Variants in ADGRL2 observed in about 807,000 individuals in gnomAD.
The protein encoded by ADGRL2 is calcium-independent alpha-latrotoxin receptor 2.
ADGRL2 carries 44 observed loss-of-function variants against 157.4 expected under a neutral mutation model. That is an observed-to-expected ratio of 0.28 (90% CI 0.22 to 0.36). The LOEUF (loss-of-function observed/expected upper bound fraction) is 0.36, where lower values mean the gene tolerates loss of function less well. Ranked by LOEUF, ADGRL2 falls within the 10% of genes least tolerant of loss-of-function variation. The pLI, the probability that ADGRL2 is intolerant of heterozygous loss-of-function variation, is 1.00. For synonymous variants in ADGRL2, 585 were observed against 624.7 expected, an observed-to-expected ratio of 0.94 and a Z score of 0.95; for missense variants, 1,510 against 1,768.9, an observed-to-expected ratio of 0.85 and a Z score of 2.63.
At chr1:81,880,536 C>T (rs2093958945) in intron 2 of ADGRL2, among the ~76,000 whole-genome samples, 2 of 151,436 alleles carry the variant, frequency 1.3e-5, no homozygotes, top group African/African-American at 4.9e-5. Flanking sequence ...GGAAAGCTCT[C>T]AGCAAAGAGA....
chr1:81,395,543 T>C lies in ADGRL2; in HGVS notation c.-301-49493T>C, dbSNP rs201458541. Among the ~76,000 whole-genome samples, 3 of 152,300 alleles carry C rather than the reference T, an allele frequency of 2.0e-5. No homozygotes were observed. In the East Asian group the frequency reaches 5.8e-4, roughly 29 times the overall value. ...TTCCTTTCTTTGCTGGGCAGTAGCATTTCAGTTTGATATATAACCCCGTTT... is the reference window on the plus strand; with the variant it reads ...TTCCTTTCTTTGCTGGGCAGTAGCACTTCAGTTTGATATATAACCCCGTTT... On this transcript the variant is annotated intron_variant, in intron 1 of 24. Transcript: ENST00000370721.
chr1:81,710,862 A>C (rs1570918303), intron 1 of ADGRL2, among the ~76,000 whole-genome samples: 1 of 151,842 alleles, frequency 6.6e-6, no homozygotes, highest in Non-Finnish European at 1.5e-5. Context: ...AGTTTATTAA[A>C]GGTTAGTTGC....
intron 1 of ADGRL2, among the ~76,000 whole-genome samples, chr1:81,811,315 T>C (rs999027424): frequency 6.6e-6 from 1 of 151,840 alleles, no homozygotes; most frequent in Non-Finnish European, 1.5e-5. Flanking sequence ...AAGTCACTTC[T>C]TATAAGCCTG....
chr1:81,639,969 A>T (rs1385702002), intron 3 of ADGRL2, among the ~76,000 whole-genome samples: 2 of 152,210 alleles, frequency 1.3e-5, no homozygotes, highest in African/African-American at 2.4e-5. Context: ...TGACATGGTT[A>T]AAATGAGTAG....
chr1:81,594,104 C>G (rs1353652822), intron 3 of ADGRL2, among the ~76,000 whole-genome samples: 1 of 152,150 alleles, frequency 6.6e-6, no homozygotes. Flanking sequence ...ACTTTTGAAT[C>G]TATAATAATG....
chr1:81,602,897 C>CA (rs35152437), intron 3 of ADGRL2, among the ~76,000 whole-genome samples: 16,498 of 120,252 alleles, frequency 0.14, 1,377 homozygotes, highest in Non-Finnish European at 0.19. Context: ...GACTCTGTCT[C>CA]AAAAAAAAAA....
intron 2 of ADGRL2, among the ~76,000 whole-genome samples, chr1:81,895,526 G>A (rs1389408361): frequency 6.7e-6 from 1 of 150,334 alleles, no homozygotes; most frequent in Non-Finnish European, 1.5e-5. Flanking sequence ...AGCCTCCTGA[G>A]TAACTGGGAT....
intron 2 of ADGRL2, among the ~76,000 whole-genome samples, chr1:81,856,836 C>G (rs1344033025): frequency 6.6e-6 from 1 of 151,782 alleles, no homozygotes; most frequent in African/African-American, 2.4e-5. Flanking sequence ...CTTAATATTC[C>G]ATGATTTATA....
rs542019416 is a variant in ADGRL2, at chr1:81,542,123, T to A, written c.-247-38753T>A. On this transcript the variant is annotated intron_variant, in intron 2 of 24. Transcript: ENST00000370721. The stretch of plus-strand genomic sequence containing the variant: ...ATATTATTGGCATTGGAGAACTTCA[T>A]GTGAAAACCTCATGCCCATGGCCTA... 3.9e-5 allele frequency among the ~76,000 whole-genome samples: 6 copies of A among 152,340 alleles called. No homozygotes were observed. In the South Asian group the frequency reaches 1.2e-3, roughly 32 times the overall value.
chr1:81,604,944 C>G (rs149700061), intron 3 of ADGRL2, among the ~76,000 whole-genome samples: 1 of 152,310 alleles, frequency 6.6e-6, no homozygotes, highest in African/African-American at 2.4e-5. Context: ...ATTTTTACCA[C>G]CATTGGTTTT....
At chr1:81,307,387 C>T (rs529438748) in intron 1 of ADGRL2, among the ~76,000 whole-genome samples, 2 of 152,198 alleles carry the variant, frequency 1.3e-5, no homozygotes, top group Non-Finnish European at 2.9e-5. Context: ...TTAATCACTC[C>T]TTAGTCATAT....
rs111769936 is a variant in ADGRL2 at position 81,865,591 on chromosome 1, C to T, written c.73+28534C>T. On this transcript the variant is annotated intron_variant, in intron 2 of 23. Coordinates refer to ENST00000686636, the MANE Select transcript of ADGRL2 (RefSeq NM_001366006.2). ...TAGTAGTTTCATTACTAGTTTTGAGCCGATGGTACATTTCTCCTGAGAGAT... is the reference window on the plus strand; with the variant it reads ...TAGTAGTTTCATTACTAGTTTTGAGTCGATGGTACATTTCTCCTGAGAGAT... Among the ~76,000 whole-genome samples, 97 of 152,172 alleles carry T rather than the reference C, an allele frequency of 6.4e-4. 1 individual carries two copies. The highest frequency in any genetic ancestry group is 2.3e-3 in the African/African-American group (95 of 41,502).
At chr1:81,629,142 G>A (rs921154015) in intron 3 of ADGRL2, among the ~76,000 whole-genome samples, 1 of 151,948 alleles carries the variant, frequency 6.6e-6, no homozygotes, top group Non-Finnish European at 1.5e-5. Flanking sequence ...TTAGACATAG[G>A]GCAAAAGCTT....
chr1:81,981,262 T>G, intron 18 of ADGRL2: 1 of 188,512 alleles, frequency 5.3e-6, no homozygotes, highest in South Asian at 1.1e-4. Context: ...CTCTCCAAAA[T>G]TATTTTATTT....
intron 2 of ADGRL2, among the ~76,000 whole-genome samples, chr1:81,902,728 A>C (rs1374585808): frequency 1.3e-5 from 2 of 152,198 alleles, no homozygotes; most frequent in African/African-American, 4.8e-5. Context: ...CTGACCACCC[A>C]TTCCCATCAT....
chr1:81,637,081 T>A (rs757207068), intron 3 of ADGRL2, among the ~76,000 whole-genome samples: 4 of 152,130 alleles, frequency 2.6e-5, no homozygotes, highest in Non-Finnish European at 5.9e-5. Context: ...TGACCTCAAG[T>A]GATCCACCCG....
intron 1 of ADGRL2, among the ~76,000 whole-genome samples, chr1:81,829,370 C>G (rs2091769504): frequency 6.6e-6 from 1 of 152,138 alleles, no homozygotes; most frequent in Admixed American, 6.6e-5. Flanking sequence ...CTGTACAACT[C>G]AAGAAAATCC....
chr1:81,398,000 CG>C (rs2076687454), intron 1 of ADGRL2, among the ~76,000 whole-genome samples: 1 of 152,076 alleles, frequency 6.6e-6, no homozygotes, highest in South Asian at 2.1e-4. Context: ...TGCTTGGCTT[CG>C]GGGTGCATAT....
At chr1:81,473,079 G>A (rs2078204393) in intron 2 of ADGRL2, among the ~76,000 whole-genome samples, 2 of 151,696 alleles carry the variant, frequency 1.3e-5, no homozygotes, top group African/African-American at 2.4e-5. Flanking sequence ...GATAGAGGGA[G>A]GGAGGAGAGA....
Sources: gnomAD v4.1 joint callset for allele counts (sites outside exome capture counted in the v4.1 genomes callset) on GRCh38, gnomAD v4.1.1 for gene constraint, MANE v1.5 for transcripts, NCBI Gene and HGNC (gene_info 2026-07-23, HGNC 2026-07-21) for gene names.